Variants in EML1 observed in about 807,000 individuals in gnomAD.
The protein encoded by EML1 is echinoderm microtubule-associated protein-like 1.
In EML1, 27 loss-of-function variants were observed where a neutral mutation model predicts 110.4. The observed-to-expected ratio is 0.24, with a 90% confidence interval of 0.18 to 0.34. The LOEUF is 0.34. Among genes scored for constraint, EML1 ranks in the 10% least tolerant of loss-of-function variants. The pLI, the probability that EML1 is intolerant of heterozygous loss-of-function variation, is 1.00. For synonymous variants in EML1, 344 were observed against 385.8 expected, an observed-to-expected ratio of 0.89 and a Z score of 1.27; for missense variants, 741 against 1,030.9, an observed-to-expected ratio of 0.72 and a Z score of 3.85.
chr14:99,806,143 A>C (rs2057969272), intron 1 of EML1, among the ~76,000 whole-genome samples: 1 of 152,134 alleles, frequency 6.6e-6, no homozygotes, highest in African/African-American at 2.4e-5. Flanking sequence ...ACAGAATCCT[A>C]AACTGAATGT....
intron 3 of EML1, among the ~76,000 whole-genome samples, chr14:99,868,272 GTTTTC>G (rs2059135509): frequency 6.6e-6 from 1 of 152,080 alleles, no homozygotes; most frequent in South Asian, 2.1e-4. Flanking sequence ...TTGGTCTATA[GTTTTC>G]TTTTCTTGTG....
intron 1 of EML1, among the ~76,000 whole-genome samples, chr14:99,751,698 G>T (rs1449961334): frequency 1.3e-5 from 2 of 152,176 alleles, no homozygotes; most frequent in Non-Finnish European, 2.9e-5. Flanking sequence ...GTTCCTGGCA[G>T]AAGAGGCAGC....
At chr14:99,769,898 G>A (rs2057405028), upstream of EML1, among the ~76,000 whole-genome samples, 2 of 152,258 alleles carry the variant, frequency 1.3e-5, no homozygotes, top group African/African-American at 2.4e-5. Flanking sequence ...GCTGAGCTTG[G>A]TCTGGCCCAG....
intron 2 of EML1, among the ~76,000 whole-genome samples, chr14:99,855,224 C>A (rs2058882386): frequency 6.6e-6 from 1 of 152,178 alleles, no homozygotes; most frequent in African/African-American, 2.4e-5. Flanking sequence ...GAATGAAGTA[C>A]TGTATAGCAA....
chr14:99,876,261 T>G (rs980499607), intron 3 of EML1, among the ~76,000 whole-genome samples: 2 of 152,130 alleles, frequency 1.3e-5, no homozygotes, highest in Non-Finnish European at 2.9e-5. Context: ...GGGAGGACGT[T>G]GAGCTTCAGT....
At chr14:99,793,588 C>G in intron 1 of EML1, 45 bp downstream of exon 1, 1 of 988,016 alleles carries the variant, frequency 1.0e-6, no homozygotes, top group Non-Finnish European at 1.2e-6. Flanking sequence ...CGGCTGGTGG[C>G]GGGCGGCGGC....
chr14:99,866,530 A>T (rs1019880807), intron 3 of EML1, among the ~76,000 whole-genome samples: 1 of 139,072 alleles, frequency 7.2e-6, no homozygotes, highest in African/African-American at 2.6e-5. Context: ...AGATTGCACC[A>T]TTGCACCCCA....
At chr14:99,822,052 C>T (rs528662908) in intron 1 of EML1, among the ~76,000 whole-genome samples, 5 of 152,122 alleles carry the variant, frequency 3.3e-5, no homozygotes, top group African/African-American at 4.8e-5. Context: ...ATGAGGGATC[C>T]GATCGGTTGC....
intron 1 of EML1, among the ~76,000 whole-genome samples, chr14:99,848,158 G>A (rs2058734704): frequency 6.6e-6 from 1 of 151,380 alleles, no homozygotes; most frequent in Non-Finnish European, 1.5e-5. Flanking sequence ...ATTTTCTGTT[G>A]GCTTTTTAGC....
At chr14:99,749,130 C>A (rs1457623969) in intron 1 of EML1, among the ~76,000 whole-genome samples, 1 of 152,194 alleles carries the variant, frequency 6.6e-6, no homozygotes, top group African/African-American at 2.4e-5. Flanking sequence ...ACTCGTGTAC[C>A]AGTTTCTGTG....
intron 1 of EML1, among the ~76,000 whole-genome samples, chr14:99,741,865 C>G (rs1595224613): frequency 6.6e-6 from 1 of 152,292 alleles, no homozygotes; most frequent in East Asian, 1.9e-4. Context: ...GTATGAGATG[C>G]CTGGAGTGGC....
chr14:99,856,081 G>A (rs908608881), intron 2 of EML1, among the ~76,000 whole-genome samples: 1 of 152,132 alleles, frequency 6.6e-6, no homozygotes, highest in African/African-American at 2.4e-5. Context: ...ACCCCTCCAC[G>A]TTTCTGTGAG....
intron 1 of EML1, among the ~76,000 whole-genome samples, chr14:99,846,993 G>A (rs1263889567): frequency 1.3e-5 from 2 of 152,170 alleles, no homozygotes; most frequent in South Asian, 2.1e-4. Context: ...TGGTTTTAAA[G>A]CTATTAGTTT....
chr14:99,827,000 C>G (rs2058371725), intron 1 of EML1, among the ~76,000 whole-genome samples: 1 of 152,106 alleles, frequency 6.6e-6, no homozygotes, highest in African/African-American at 2.4e-5. Flanking sequence ...TCATTCAGCG[C>G]CAGATTTTGT....
At chr14:99,774,829 C>T (rs568926616) in intron 1 of EML1, among the ~76,000 whole-genome samples, 65 of 152,252 alleles carry the variant, frequency 4.3e-4, no homozygotes, top group Middle Eastern at 3.4e-3. Flanking sequence ...TTGCCAGCAT[C>T]CTCTTGAATG....
chr14:99,896,562 G>A (rs186735453), intron 6 of EML1, among the ~76,000 whole-genome samples: 15 of 152,240 alleles, frequency 9.9e-5, no homozygotes, highest in Admixed American at 9.8e-4. Flanking sequence ...GTAAAGCAAT[G>A]AAATTTGCTC....
At chr14:99,873,308 C>G (rs200290402) in intron 3 of EML1, among the ~76,000 whole-genome samples, 1 of 152,198 alleles carries the variant, frequency 6.6e-6, no homozygotes, top group African/African-American at 2.4e-5. Flanking sequence ...CTCTTGCTTC[C>G]AAACAAACAG....
chr14:99,873,482 G>A (rs189220982), intron 3 of EML1, among the ~76,000 whole-genome samples: 2 of 152,244 alleles, frequency 1.3e-5, no homozygotes, highest in African/African-American at 2.4e-5. Context: ...CTATTATTCC[G>A]ATCCATTGAA....
intron 15 of EML1, among the ~76,000 whole-genome samples, chr14:99,916,808 G>A (rs573912109): frequency 6.6e-6 from 1 of 152,304 alleles, no homozygotes; most frequent in East Asian, 1.9e-4. Flanking sequence ...ACCTTCACCA[G>A]TGATAATTCT....
Sources: allele counts gnomAD v4.1 joint callset (sites outside exome capture counted in the v4.1 genomes callset), GRCh38; gene constraint gnomAD v4.1.1; transcripts MANE v1.5; gene names NCBI Gene and HGNC (gene_info 2026-07-23, HGNC 2026-07-21).